Variants in WDTC1 observed in about 807,000 individuals in gnomAD.
WDTC1 encodes WD and tetratricopeptide repeats protein 1.
A neutral mutation model predicts 76.0 loss-of-function variants in WDTC1; 12 were observed. The ratio of observed to expected loss-of-function variants is 0.16; its 90% CI spans 0.10 to 0.26. The LOEUF (loss-of-function observed/expected upper bound fraction) is 0.26, where lower values mean the gene tolerates loss of function less well. Among genes scored for constraint, WDTC1 ranks in the 10% least tolerant of loss-of-function variants. The probability of loss-of-function intolerance (pLI) is 1.00; values close to 1 mark genes in which losing one functional copy is unlikely to be tolerated. For synonymous variants in WDTC1, 326 were observed against 350.8 expected (o/e 0.93, Z 0.79); for missense variants, 511 against 908.8 (o/e 0.56, Z 5.63).
At chr1:27,244,172 AAT>A (rs1036012274) in intron 1 of WDTC1, among the ~76,000 whole-genome samples, 4 of 152,012 alleles carry the variant, frequency 2.6e-5, no homozygotes, top group Admixed American at 2.6e-4. Context: ...TTTTTAAAAA[AAT>A]TAAAAAGATG....
At chr1:27,258,787 T>G (rs1031062644) in intron 1 of WDTC1, among the ~76,000 whole-genome samples, 1 of 152,208 alleles carries the variant, frequency 6.6e-6, no homozygotes, top group Non-Finnish European at 1.5e-5. Flanking sequence ...GGAAGGAGTC[T>G]GCTCACAGAT....
rs757753556 is a variant in WDTC1 at position 27,303,646 on chromosome 1, C to A, written c.1494C>A (p.Gly498=). The change falls in exon 14 of 16, where the codon GGC becomes GGA. Residue 498 remains glycine, a synonymous_variant. Transcript: ENST00000319394. This position sits in a 1 kb window ranked among gnomAD's most constrained non-coding sequence, Gnocchi z 4.8. ...DGEEKKGPGG[G]APVRLRSTSR... The stretch of plus-strand genomic sequence containing the variant: ...AGGAGAAGAAGGGACCTGGTGGCGG[C>A]GCCCCAGTCCGCCTCCGCAGCACGA... 2 of 1,602,354 alleles carry A rather than the reference C, an allele frequency of 1.2e-6. No individual in the cohort carries two copies. Among genetic ancestry groups the A allele is most frequent in the Non-Finnish European group, 1.7e-6 (2 of 1,175,842 alleles).
At chr1:27,241,956 A>G (rs565313671) in intron 1 of WDTC1, among the ~76,000 whole-genome samples, 6 of 151,736 alleles carry the variant, frequency 4.0e-5, no homozygotes, top group Non-Finnish European at 5.9e-5. Context: ...CAGTGGTGCA[A>G]TCTTGGCTCA....
chr1:27,278,954 TTGAGAGAC>T (rs1557495901), intron 3 of WDTC1, among the ~76,000 whole-genome samples: 8 of 152,186 alleles, frequency 5.3e-5, no homozygotes, highest in Non-Finnish European at 1.5e-5. Flanking sequence ...CCCCAGCTAC[TTGAGAGAC>T]TGAGGCAGAG....
intron 2 of WDTC1, among the ~76,000 whole-genome samples, chr1:27,262,469 A>C (rs966045471): frequency 1.3e-5 from 2 of 151,276 alleles, no homozygotes; most frequent in African/African-American, 4.9e-5. Context: ...GCTCATTGCA[A>C]CCTCCACCTC....
At chr1:27,244,406 A>G (rs1370217581) in intron 1 of WDTC1, among the ~76,000 whole-genome samples, 9 of 152,054 alleles carry the variant, frequency 5.9e-5, no homozygotes, top group Non-Finnish European at 1.2e-4. Context: ...TCATAGCTCA[A>G]TATAGCCTCA....
At chr1:27,276,879 C>G (rs2013044491) in intron 3 of WDTC1, among the ~76,000 whole-genome samples, 2 of 151,926 alleles carry the variant, frequency 1.3e-5, no homozygotes, top group African/African-American at 4.8e-5. Flanking sequence ...AGATGCTTCA[C>G]TCATTTTTTA....
At chr1:27,249,244 G>A (rs2011954578) in intron 1 of WDTC1, among the ~76,000 whole-genome samples, 1 of 147,894 alleles carries the variant, frequency 6.8e-6, no homozygotes, top group Non-Finnish European at 1.5e-5. Context: ...ACTCCAGCCT[G>A]GGCAACAGAG....
chr1:27,271,981 C>T (rs1456778927), intron 3 of WDTC1, among the ~76,000 whole-genome samples: 1 of 150,166 alleles, frequency 6.7e-6, no homozygotes, highest in Non-Finnish European at 1.5e-5. Context: ...CACGGTGGCT[C>T]ACTCCTGTAA....
At chr1:27,285,065 C>T (rs2013295273) in intron 5 of WDTC1, among the ~76,000 whole-genome samples, 1 of 125,508 alleles carries the variant, frequency 8.0e-6, no homozygotes, top group African/African-American at 3.0e-5. Context: ...GTGAGTCTTA[C>T]TCTGAATGTC....
At position 27,303,561 on chromosome 1, in the gene WDTC1, G is replaced by A. The variant is rs762457049; in HGVS notation, c.1469-60G>A. The A allele has an allele frequency of 2.3e-5, 35 of 1,519,648 alleles. No individual in the cohort carries two copies. The highest frequency in any genetic ancestry group is 3.1e-5 in the Non-Finnish European group (35 of 1,139,458). The allele number at this position is 1,519,648 out of a possible 1,614,324, so 94.1% of individuals were successfully genotyped here. On this transcript the variant is annotated intron_variant, in intron 13 of 15. Transcript: ENST00000319394. The surrounding 1 kb of genome is among the most constrained non-coding windows in gnomAD (Gnocchi z 4.8). Reference sequence around the variant, plus strand: ...ACTGAAAACAGAGCCATAGGTGGGGGAAAATAGGGAAGGAGAGAAAGGAAC... The same window carrying A: ...ACTGAAAACAGAGCCATAGGTGGGGAAAAATAGGGAAGGAGAGAAAGGAAC...
At chr1:27,299,308 G>A (rs531948579) in intron 12 of WDTC1, among the ~76,000 whole-genome samples, 4 of 152,286 alleles carry the variant, frequency 2.6e-5, no homozygotes, top group Middle Eastern at 6.8e-3. Context: ...GTAAAGTGGT[G>A]GACATAGTTC....
At chr1:27,257,224 T>G (rs914981164) in intron 1 of WDTC1, among the ~76,000 whole-genome samples, 1 of 152,146 alleles carries the variant, frequency 6.6e-6, no homozygotes. Flanking sequence ...TTGACTTACA[T>G]TGTTTCATTT....
chr1:27,239,164 A>C (rs2011560406), intron 1 of WDTC1, among the ~76,000 whole-genome samples: 1 of 147,600 alleles, frequency 6.8e-6, no homozygotes, highest in Non-Finnish European at 1.5e-5. Context: ...TCAGCCTCCC[A>C]AAGTCCTGGG....
intron 6 of WDTC1, among the ~76,000 whole-genome samples, chr1:27,289,876 T>C (rs908479018): frequency 6.6e-6 from 1 of 152,254 alleles, no homozygotes; most frequent in East Asian, 1.9e-4. Context: ...TCGCAGGCAC[T>C]CGGCAGGCTG....
intron 3 of WDTC1, among the ~76,000 whole-genome samples, chr1:27,269,664 G>C (rs1211533895): frequency 1.4e-5 from 2 of 142,418 alleles, no homozygotes; most frequent in Non-Finnish European, 3.0e-5. Context: ...ACCCAGGCTG[G>C]AGTGCAGTGG....
At chr1:27,235,008 C>A (rs2011464516) in intron 1 of WDTC1, 57 bp downstream of exon 1, 1 of 375,346 alleles carries the variant, frequency 2.7e-6, no homozygotes, top group Admixed American at 4.6e-5. Flanking sequence ...GACCGGCTCC[C>A]GCAGCCCCGG....
rs1273083259 is a variant in WDTC1 at position 27,264,041 on chromosome 1, C to A, written c.132+806C>A. Among the ~76,000 whole-genome samples the A allele has an allele frequency of 2.0e-5, 3 of 151,754 alleles. No homozygotes were observed. In the East Asian group the frequency reaches 5.8e-4, roughly 29 times the overall value. ...GACCGGCTCATGCCTGTATTCGCAG[C>A]ACTTTGGGAGGTCAAGGAGGGTGGA... On this transcript the variant is annotated intron_variant, in intron 3 of 15. Transcript: ENST00000319394.
At chr1:27,304,748 C>A in intron 14 of WDTC1, 1 of 383,626 alleles carries the variant, frequency 2.6e-6, no homozygotes. Flanking sequence ...TGATCCTGGC[C>A]CAAGGAGGTA....
Sources: gnomAD v4.1 joint callset for allele counts (sites outside exome capture counted in the v4.1 genomes callset) on GRCh38, gnomAD v4.1.1 for gene constraint, Gnocchi (gnomAD v3.1) non-coding constraint, MANE v1.5 for transcripts, NCBI Gene and HGNC (gene_info 2026-07-23, HGNC 2026-07-21) for gene names.